PTPRT: variants seen among roughly 807,000 people sequenced by gnomAD.
PTPRT encodes the protein protein tyrosine phosphatase receptor type T.
In PTPRT, 56 loss-of-function variants were observed where a neutral mutation model predicts 176.8. The ratio of observed to expected loss-of-function variants is 0.32; its 90% CI spans 0.26 to 0.40. The LOEUF (loss-of-function observed/expected upper bound fraction) is 0.40, where lower values mean the gene tolerates loss of function less well. Ranked by LOEUF, PTPRT falls within the 10% of genes least tolerant of loss-of-function variation. The pLI, the probability that PTPRT is intolerant of heterozygous loss-of-function variation, is 1.00. For missense variants in PTPRT, 1,540 were observed against 1,908.2 expected, an observed-to-expected ratio of 0.81 and a Z score of 3.60; for synonymous variants, 783 against 739.0, an observed-to-expected ratio of 1.06 and a Z score of -0.96.
intron 1 of PTPRT, among the ~76,000 whole-genome samples, chr20:43,149,787 T>C (rs949102769): frequency 3.3e-5 from 5 of 152,224 alleles, no homozygotes; most frequent in African/African-American, 1.2e-4. Context: ...TATTTCTCTT[T>C]GCAAGATGAC....
intron 6 of PTPRT, among the ~76,000 whole-genome samples, chr20:42,721,693 C>T (rs1297384375): frequency 6.6e-6 from 1 of 152,224 alleles, no homozygotes; most frequent in African/African-American, 2.4e-5. Flanking sequence ...TTTCCCTTGT[C>T]ATTCCTATCA....
chr20:42,897,328 C>T (rs765849340), intron 1 of PTPRT, among the ~76,000 whole-genome samples: 1 of 152,150 alleles, frequency 6.6e-6, no homozygotes, highest in South Asian at 2.1e-4. Context: ...TTCTGTGAGA[C>T]TTTGTGCAGC....
intron 1 of PTPRT, among the ~76,000 whole-genome samples, chr20:43,064,033 T>A (rs1987578349): frequency 6.9e-6 from 1 of 145,932 alleles, no homozygotes; most frequent in Admixed American, 6.8e-5. Context: ...CAACTTTTCT[T>A]AAAAAAAAAA....
Position 42,361,053 on chromosome 20 carries a change from C to A in PTPRT, c.1561-8768G>T, listed in dbSNP as rs139533966. Among the ~76,000 whole-genome samples the A allele has an allele frequency of 9.8e-3, 1,485 of 152,306 alleles. 21 individuals are homozygous for A. The highest frequency in any genetic ancestry group is 0.034 in the African/African-American group (1,419 of 41,566). On this transcript the variant is annotated intron_variant, in intron 9 of 30. Coordinates refer to ENST00000373187, the MANE Select transcript of PTPRT (RefSeq NM_007050.6). Reference sequence around the variant, plus strand: ...CAGTATTCTCCGCCCCACCCTGCCACCTTGGCCTTGGCTCCTCTGTGCACA... The same window carrying A: ...CAGTATTCTCCGCCCCACCCTGCCAACTTGGCCTTGGCTCCTCTGTGCACA...
intron 7 of PTPRT, among the ~76,000 whole-genome samples, chr20:42,541,974 T>A (rs1004934384): frequency 6.6e-6 from 1 of 152,156 alleles, no homozygotes; most frequent in South Asian, 2.1e-4. Flanking sequence ...ACGGACCTGA[T>A]GGGAAAAAAT....
chr20:42,675,358 A>T (rs1387473805), intron 7 of PTPRT, among the ~76,000 whole-genome samples: 3 of 152,216 alleles, frequency 2.0e-5, no homozygotes, highest in Non-Finnish European at 4.4e-5. Flanking sequence ...TGGGGATGGG[A>T]CCCAAGTCCA....
At chr20:42,903,820 T>C (rs2079439358) in intron 1 of PTPRT, among the ~76,000 whole-genome samples, 1 of 152,210 alleles carries the variant, frequency 6.6e-6, no homozygotes, top group East Asian at 1.9e-4. Flanking sequence ...AGGATGGTGA[T>C]GGTGTCTTGG....
intron 12 of PTPRT, among the ~76,000 whole-genome samples, chr20:42,287,744 T>C (rs1376630702): frequency 6.6e-6 from 1 of 151,866 alleles, no homozygotes; most frequent in Non-Finnish European, 1.5e-5. Context: ...CACAAAGAAA[T>C]GGTAAATATT....
intron 1 of PTPRT, among the ~76,000 whole-genome samples, chr20:42,991,423 A>G (rs898857676): frequency 7.2e-5 from 11 of 151,846 alleles, no homozygotes; most frequent in African/African-American, 2.7e-4. Flanking sequence ...GCTGTGCTCC[A>G]AAAGAAAAAA....
chr20:42,618,284 G>C (rs1192905622), intron 7 of PTPRT, among the ~76,000 whole-genome samples: 1 of 131,526 alleles, frequency 7.6e-6, no homozygotes, highest in African/African-American at 3.4e-5. Flanking sequence ...GTTCTAGTTT[G>C]ATTGCACTGT....
intron 1 of PTPRT, among the ~76,000 whole-genome samples, chr20:43,111,350 C>T (rs534776424): frequency 3.3e-5 from 5 of 151,698 alleles, no homozygotes; most frequent in African/African-American, 1.2e-4. Flanking sequence ...CCAGCCTGGC[C>T]AACAAAGTGA....
At chr20:42,189,781 T>A (rs1016707584) in intron 16 of PTPRT, among the ~76,000 whole-genome samples, 1 of 152,224 alleles carries the variant, frequency 6.6e-6, no homozygotes, top group Non-Finnish European at 1.5e-5. Context: ...TCTCTGCAAC[T>A]CAAATGTTCA....
Position 42,072,826 on chromosome 20 carries a change from T to C in PTPRT, c.*8053A>G, listed in dbSNP as rs777360682. On this transcript the variant is annotated 3_prime_UTR_variant, in exon 31 of 31. Coordinates refer to ENST00000373187, the MANE Select transcript of PTPRT (RefSeq NM_007050.6). ...TTTTAACACAGCCATGTTACAAACATTGTCAGGGAACATTTACAAGAATAA... is the reference window on the plus strand; with the variant it reads ...TTTTAACACAGCCATGTTACAAACACTGTCAGGGAACATTTACAAGAATAA... 9 of 218,350 alleles carry C rather than the reference T, an allele frequency of 4.1e-5. No homozygotes were observed. The highest frequency in any genetic ancestry group is 5.5e-5 in the Non-Finnish European group (6 of 108,464). The allele number at this position is 218,350 out of a possible 1,614,324, so 13.5% of individuals were successfully genotyped here. A position where few individuals can be genotyped will look rare whatever the true frequency, so the allele number is the denominator to read the frequency against.
chr20:42,273,974 G>A (rs1011962911), intron 13 of PTPRT, among the ~76,000 whole-genome samples: 2 of 152,240 alleles, frequency 1.3e-5, no homozygotes, highest in Admixed American at 1.3e-4. Flanking sequence ...GGGACAGCTG[G>A]ATAAATGCAG....
intron 7 of PTPRT, among the ~76,000 whole-genome samples, chr20:42,553,345 C>T (rs148131568): frequency 6.6e-6 from 1 of 152,010 alleles, no homozygotes; most frequent in Non-Finnish European, 1.5e-5. Flanking sequence ...TCTCTCAGCC[C>T]ATTTTCACTC....
At chr20:42,099,719 C>T (rs886326216) in intron 26 of PTPRT, among the ~76,000 whole-genome samples, 38 of 152,228 alleles carry the variant, frequency 2.5e-4, no homozygotes, top group African/African-American at 8.4e-4. Flanking sequence ...GGAGTTACAG[C>T]TGTTTTCAGT....
chr20:42,140,859 G>C (rs1049402489), intron 18 of PTPRT, among the ~76,000 whole-genome samples: 3 of 152,192 alleles, frequency 2.0e-5, no homozygotes, highest in African/African-American at 7.2e-5. Flanking sequence ...CTGTGGCTAA[G>C]AGTAATGGTG....
chr20:42,081,750 A>G (rs1434485982), intron 30 of PTPRT, 132 bp downstream of exon 30: 2 of 1,227,230 alleles, frequency 1.6e-6, no homozygotes, highest in Non-Finnish European at 2.3e-6. Context: ...AACAGTGCAT[A>G]CCAAGGGCAC....
chr20:42,611,242 A>G (rs1015330881), intron 7 of PTPRT, among the ~76,000 whole-genome samples: 2 of 152,176 alleles, frequency 1.3e-5, no homozygotes, highest in Non-Finnish European at 2.9e-5. Context: ...GGAACTCCCA[A>G]ACTGCTTTTC....
Sources: gnomAD v4.1 joint callset for allele counts (sites outside exome capture counted in the v4.1 genomes callset) on GRCh38, gnomAD v4.1.1 for gene constraint, MANE v1.5 for transcripts, NCBI Gene and HGNC (gene_info 2026-07-23, HGNC 2026-07-21) for gene names.